Variants in BBX observed in about 807,000 individuals in gnomAD.
BBX encodes BBX high mobility group box domain containing, also known as HMG box transcription factor BBX.
A neutral mutation model predicts 100.2 loss-of-function variants in BBX; 30 were observed. That is an observed-to-expected ratio of 0.30 (90% CI 0.22 to 0.41). BBX has a LOEUF of 0.41. Ranked by LOEUF, BBX falls within the 10% of genes least tolerant of loss-of-function variation. The pLI is 1.00. For synonymous variants in BBX, 376 were observed against 388.1 expected, an observed-to-expected ratio of 0.97 and a Z score of 0.37; for missense variants, 1,023 against 1,129.8, an observed-to-expected ratio of 0.91 and a Z score of 1.35.
chr3:107,584,111 TTATATATAATATATATATTA>T (rs1238724596), intron 2 of BBX, among the ~76,000 whole-genome samples: 133 of 11,962 alleles, frequency 0.011, 20 homozygotes, highest in African/African-American at 0.064. Flanking sequence ...ATATTATATA[TTATATATAATATATATATTA>T]TTATATATAT....
intron 3 of BBX, among the ~76,000 whole-genome samples, chr3:107,685,148 G>A (rs1040623648): frequency 6.6e-6 from 1 of 152,160 alleles, no homozygotes; most frequent in Admixed American, 6.5e-5. Context: ...GAGCCAGGGT[G>A]TTATATAGAC....
intron 7 of BBX, among the ~76,000 whole-genome samples, chr3:107,744,085 G>C (rs548698780): frequency 6.6e-6 from 1 of 152,006 alleles, no homozygotes; most frequent in South Asian, 2.1e-4. Context: ...AGGAAAAGTG[G>C]GAAGGAATCA....
chr3:107,641,124 G>A (rs530857557), intron 2 of BBX, among the ~76,000 whole-genome samples: 13 of 139,774 alleles, frequency 9.3e-5, no homozygotes, highest in East Asian at 2.1e-4. Flanking sequence ...TCACTCTGTC[G>A]CCCAGGCTAG....
intron 10 of BBX, among the ~76,000 whole-genome samples, chr3:107,772,226 C>T (rs113454863): frequency 3.9e-5 from 6 of 152,298 alleles, no homozygotes; most frequent in African/African-American, 9.6e-5. Flanking sequence ...GTCCTAGGAT[C>T]GTTTTCCTTT....
chr3:107,604,772 T>C (rs927055797), intron 2 of BBX, among the ~76,000 whole-genome samples: 4 of 144,024 alleles, frequency 2.8e-5, no homozygotes, highest in African/African-American at 7.7e-5. Context: ...TGCCAGAATT[T>C]ACATTTTTCC....
intron 2 of BBX, among the ~76,000 whole-genome samples, chr3:107,591,386 TA>T (rs766215515): frequency 1.3e-5 from 2 of 152,214 alleles, no homozygotes; most frequent in African/African-American, 2.4e-5. Flanking sequence ...GGGAGGAGTG[TA>T]AGTCCATTAA....
intron 2 of BBX, among the ~76,000 whole-genome samples, chr3:107,562,158 T>C (rs1346886393): frequency 6.6e-6 from 1 of 152,084 alleles, no homozygotes; most frequent in East Asian, 1.9e-4. Context: ...TCTCACACGT[T>C]GAAATAAACG....
At chr3:107,700,553 G>A (rs1379095220) in intron 3 of BBX, among the ~76,000 whole-genome samples, 2 of 149,302 alleles carry the variant, frequency 1.3e-5, no homozygotes, top group African/African-American at 5.0e-5. Context: ...TCGTCATTTA[G>A]CATTAGGTAT....
intron 3 of BBX, among the ~76,000 whole-genome samples, chr3:107,653,642 G>C (rs142178351): frequency 6.5e-4 from 99 of 152,234 alleles, no homozygotes; most frequent in African/African-American, 2.2e-3. Context: ...AAACGGATGA[G>C]TTATCTAATT....
At chr3:107,575,611 T>C (rs900944077) in intron 2 of BBX, among the ~76,000 whole-genome samples, 3 of 152,162 alleles carry the variant, frequency 2.0e-5, no homozygotes, top group Non-Finnish European at 4.4e-5. Context: ...TATCTGCTCA[T>C]TTATTTTGGC....
At chr3:107,739,154 C>T (rs906112341) in intron 7 of BBX, among the ~76,000 whole-genome samples, 1 of 152,094 alleles carries the variant, frequency 6.6e-6, no homozygotes, top group Admixed American at 6.5e-5. Context: ...TTTCTAACAT[C>T]AATGAAATGA....
Position 107,778,534 on chromosome 3 carries a change from G to C in BBX, c.2203+15G>C, listed in dbSNP as rs745561048. 4 of 1,610,284 alleles carry C rather than the reference G, an allele frequency of 2.5e-6. No homozygotes were observed. In the South Asian group the frequency reaches 4.4e-5, roughly 18 times the overall value. ...AACCAGCAAAGGTTAGGTGTGACCT[G>C]TACCTTCCTGCCATGTGGTCAGAAT... is the stretch of plus-strand genomic sequence containing the variant. On this transcript the variant is annotated intron_variant, in intron 13 of 17. Coordinates refer to ENST00000325805, the MANE Select transcript of BBX (RefSeq NM_001142568.3).
chr3:107,641,501 GT>G (rs2057211524), intron 2 of BBX, among the ~76,000 whole-genome samples: 1 of 152,190 alleles, frequency 6.6e-6, no homozygotes, highest in Non-Finnish European at 1.5e-5. Flanking sequence ...GAATGCTGGA[GT>G]TTTCTGTCCC....
intron 2 of BBX, among the ~76,000 whole-genome samples, chr3:107,637,917 C>G (rs1397312034): frequency 6.6e-6 from 1 of 151,448 alleles, no homozygotes; most frequent in Non-Finnish European, 1.5e-5. Context: ...CCTTTATTTC[C>G]TTCCTTTTCT....
At position 107,773,397 on chromosome 3, in the gene BBX, C is replaced by A. The variant is rs201203207; in HGVS notation, c.1676C>A (p.Ser559Tyr). The A allele has an allele frequency of 1.2e-6, 2 of 1,614,108 alleles. No homozygotes were observed. The highest frequency in any genetic ancestry group is 3.3e-5 in the Admixed American group (2 of 60,004). The change falls in exon 11 of 18, where the codon TCT (serine) becomes TAT (tyrosine). Residue 559 changes from serine (S) to tyrosine (Y), a missense_variant. By Grantham distance (144) the Ser-to-Tyr change is moderately radical. This residue lies in a region of BBX where 348 missense variants were observed against 353.2 expected (regional missense o/e 0.99). Transcript: ENST00000325805. The surrounding 1 kb of genome is among the most constrained non-coding windows in gnomAD (Gnocchi z 4.1). Reference sequence around the variant, plus strand: ...AGACCTCCAGATTTCATTAGTATTTCTGCTAGCAAGAACATTTCTGGTGAG... The same window carrying A: ...AGACCTCCAGATTTCATTAGTATTTATGCTAGCAAGAACATTTCTGGTGAG... ...ESRPPDFISI[S>Y]ASKNISGETP...
chr3:107,624,022 AAAGAGATTACAGATTAT>A (rs1183702282), intron 2 of BBX, among the ~76,000 whole-genome samples: 1 of 152,198 alleles, frequency 6.6e-6, no homozygotes, highest in Non-Finnish European at 1.5e-5. Context: ...GCACTTTATG[AAAGAGATTACAGATTAT>A]AAGCATCAAT....
intron 7 of BBX, among the ~76,000 whole-genome samples, chr3:107,734,045 C>A (rs1244819463): frequency 2.0e-5 from 3 of 152,022 alleles, no homozygotes; most frequent in African/African-American, 7.2e-5. Context: ...TTGTTTAGGG[C>A]CAAATAGCAA....
chr3:107,631,554 A>AC (rs374829844), intron 2 of BBX, among the ~76,000 whole-genome samples: 2 of 151,562 alleles, frequency 1.3e-5, no homozygotes, highest in Admixed American at 6.6e-5. Context: ...AAAAAAAAAA[A>AC]CACTAAAAAT....
At chr3:107,613,513 A>G (rs944317305) in intron 2 of BBX, among the ~76,000 whole-genome samples, 5 of 151,974 alleles carry the variant, frequency 3.3e-5, no homozygotes, top group Admixed American at 2.0e-4. Flanking sequence ...TGTGTGAACT[A>G]TACAGAATTG....
Sources: gnomAD v4.1 joint callset for allele counts (sites outside exome capture counted in the v4.1 genomes callset) on GRCh38, gnomAD v4.1.1 for gene constraint, gnomAD v4.1.1 regional missense constraint, Gnocchi (gnomAD v3.1) non-coding constraint, MANE v1.5 for transcripts, NCBI Gene and HGNC (gene_info 2026-07-23, HGNC 2026-07-21) for gene names.